CCDC91: variants seen among roughly 807,000 people sequenced by gnomAD.
CCDC91 encodes the protein coiled-coil domain containing 91.
In CCDC91, 48 loss-of-function variants were observed where a neutral mutation model predicts 63.2. The observed-to-expected ratio is 0.76, with a 90% CI of 0.60 to 0.97. The LOEUF (loss-of-function observed/expected upper bound fraction) is 0.97, where lower values mean the gene tolerates loss of function less well. Ranked by LOEUF, CCDC91 falls within the 50% of genes least tolerant of loss-of-function variation. CCDC91 has a pLI of 0.00. For synonymous variants in CCDC91, 167 were observed against 165.8 expected (o/e 1.01, Z -0.06); for missense variants, 500 against 494.6 (o/e 1.01, Z -0.10).
rs1188391172 is a variant in CCDC91, at chr12:28,508,256, A to C, written c.1215+24091A>C. On this transcript the variant is annotated intron_variant, in intron 12 of 12. Transcript: ENST00000536442. ...TTTCTGGGGAGACTTAAAAGAGAAA[A>C]GTTAGTGGGAAAAGCTGTAACTCCT... 2.6e-5 allele frequency among the ~76,000 whole-genome samples: 4 copies of C among 151,912 alleles called. No individual in the cohort carries two copies. In the East Asian group the frequency reaches 7.8e-4, roughly 30 times the overall value.
At chr12:28,379,564 T>A (rs1369684702) in intron 7 of CCDC91, among the ~76,000 whole-genome samples, 1 of 151,280 alleles carries the variant, frequency 6.6e-6, no homozygotes, top group African/African-American at 2.4e-5. Flanking sequence ...AAAATGCTCA[T>A]CATCACTGGC....
intron 12 of CCDC91, among the ~76,000 whole-genome samples, chr12:28,485,827 G>C (rs1256971464): frequency 3.3e-5 from 5 of 152,032 alleles, no homozygotes; most frequent in Admixed American, 1.3e-4. Flanking sequence ...AAATAATCTT[G>C]TTCAAAAGTA....
chr12:28,378,758 A>G lies in CCDC91; in HGVS notation c.655-12546A>G, dbSNP rs573688598. Among the ~76,000 whole-genome samples the G allele has an allele frequency of 9.2e-5, 14 of 152,190 alleles. No individual in the cohort carries two copies. The East Asian group carries it at 1.9e-3, about 21-fold the overall frequency. On this transcript the variant is annotated intron_variant, in intron 7 of 12. Coordinates refer to ENST00000536442, the MANE Select transcript of CCDC91 (RefSeq NM_018318.5). ...CAAATAAAGATGTTTGCTGTTGCCA[A>G]TAGAGTTTGGCCCACTAGCATGCTA... is the stretch of plus-strand genomic sequence containing the variant.
chr12:28,530,511 A>G (rs148500392), intron 12 of CCDC91, among the ~76,000 whole-genome samples: 84 of 152,288 alleles, frequency 5.5e-4, no homozygotes, highest in African/African-American at 1.9e-3. Flanking sequence ...TGTGAGCATA[A>G]TTAGTAATTA....
intron 8 of CCDC91, among the ~76,000 whole-genome samples, chr12:28,414,715 T>C (rs1032145445): frequency 4.6e-5 from 7 of 152,172 alleles, no homozygotes; most frequent in African/African-American, 1.4e-4. Flanking sequence ...TAGAGGAAAA[T>C]TGGTAATGAT....
At chr12:28,538,056 CTTTT>C (rs903818017) in intron 12 of CCDC91, among the ~76,000 whole-genome samples, 5 of 140,780 alleles carry the variant, frequency 3.6e-5, no homozygotes, top group African/African-American at 1.4e-4. Context: ...TGTTCTTTTT[CTTTT>C]TTTTCTTTTT....
rs1944407706 is a variant in CCDC91 at position 28,368,396 on chromosome 12, A to G, written c.654+5881A>G. 2.6e-5 allele frequency among the ~76,000 whole-genome samples: 4 copies of G among 152,120 alleles called. No homozygotes were observed. The East Asian group carries it at 5.8e-4, about 22-fold the overall frequency. On this transcript the variant is annotated intron_variant, in intron 7 of 12. Coordinates refer to ENST00000536442, the MANE Select transcript of CCDC91 (RefSeq NM_018318.5). ...TATTTTATGGCCTAGCCTCTGATCT[A>G]TCCTGTGCACTTGAGTAAATGTATA...
intron 6 of CCDC91, among the ~76,000 whole-genome samples, chr12:28,358,251 T>C (rs1306069098): frequency 6.6e-6 from 1 of 152,202 alleles, no homozygotes; most frequent in Non-Finnish European, 1.5e-5. Context: ...TCTCATTCAG[T>C]CATTCAACAG....
intron 6 of CCDC91, among the ~76,000 whole-genome samples, chr12:28,325,887 A>G (rs1324003432): frequency 2.6e-5 from 4 of 152,128 alleles, no homozygotes; most frequent in Non-Finnish European, 5.9e-5. Context: ...TATATTTTAA[A>G]AAATGTATAG....
chr12:28,423,020 CTTCT>C (rs1196244913), intron 8 of CCDC91, among the ~76,000 whole-genome samples: 1 of 151,990 alleles, frequency 6.6e-6, no homozygotes, highest in Non-Finnish European at 1.5e-5. Flanking sequence ...ACAAAGATAA[CTTCT>C]TTCTGACAGA....
intron 1 of CCDC91, chr12:28,256,665 A>G (rs983799110): frequency 2.0e-5 from 3 of 152,744 alleles, no homozygotes; most frequent in Admixed American, 6.5e-5. Flanking sequence ...CATTTTTCCA[A>G]AAGTGCAAAG....
At chr12:28,373,118 A>T (rs764635961) in intron 7 of CCDC91, among the ~76,000 whole-genome samples, 6 of 152,154 alleles carry the variant, frequency 3.9e-5, no homozygotes, top group Non-Finnish European at 8.8e-5. Context: ...AAAAAATAAG[A>T]TTGTAGGCAG....
intron 3 of CCDC91, among the ~76,000 whole-genome samples, chr12:28,301,406 G>A (rs1432383451): frequency 6.6e-6 from 1 of 151,302 alleles, no homozygotes; most frequent in Non-Finnish European, 1.5e-5. Context: ...TGCATTCCTG[G>A]AGTAAGTTCT....
intron 1 of CCDC91, among the ~76,000 whole-genome samples, chr12:28,245,837 T>C (rs973371924): frequency 1.3e-5 from 2 of 152,156 alleles, no homozygotes; most frequent in Non-Finnish European, 2.9e-5. Context: ...GCCACCATTT[T>C]GGAAAGTACT....
At chr12:28,375,791 C>CT (rs1944906099) in intron 7 of CCDC91, among the ~76,000 whole-genome samples, 1 of 151,884 alleles carries the variant, frequency 6.6e-6, no homozygotes, top group Admixed American at 6.6e-5. Flanking sequence ...TTGTCATTCT[C>CT]TAATATATGC....
chr12:28,210,278 T>G (rs2135507280), intron 1 of CCDC91, among the ~76,000 whole-genome samples: 1 of 152,326 alleles, frequency 6.6e-6, no homozygotes, highest in African/African-American at 2.4e-5. Flanking sequence ...TTGCCAAAAA[T>G]CTTTAAAATG....
chr12:28,478,057 A>G (rs1196301977), intron 11 of CCDC91, among the ~76,000 whole-genome samples: 20 of 152,182 alleles, frequency 1.3e-4, no homozygotes, highest in Admixed American at 1.3e-4. Flanking sequence ...TATAGATTCA[A>G]TGCCATCTCC....
At chr12:28,226,324 G>A (rs1239481922) in intron 1 of CCDC91, 1 of 152,128 alleles carries the variant, frequency 6.6e-6, no homozygotes, top group Non-Finnish European at 1.5e-5. Context: ...TCATATCCTT[G>A]TAGCTCCACC....
intron 7 of CCDC91, among the ~76,000 whole-genome samples, chr12:28,365,334 C>G (rs1204122848): frequency 6.6e-6 from 1 of 152,042 alleles, no homozygotes; most frequent in Non-Finnish European, 1.5e-5. Context: ...CCAATAAATA[C>G]GTTTGCAGCG....
Sources: allele counts gnomAD v4.1 joint callset (sites outside exome capture counted in the v4.1 genomes callset), GRCh38; gene constraint gnomAD v4.1.1; transcripts MANE v1.5; gene names NCBI Gene and HGNC (gene_info 2026-07-23, HGNC 2026-07-21).